Variants in GRIN2A observed in about 807,000 individuals in gnomAD.
GRIN2A encodes the protein glutamate receptor ionotropic, NMDA 2A.
A neutral mutation model predicts 113.4 loss-of-function variants in GRIN2A; 22 were observed. The observed-to-expected ratio is 0.19, with a 90% CI of 0.14 to 0.28. The LOEUF is 0.28. GRIN2A is among the 10% of genes least tolerant of loss of function. The pLI is 1.00. For missense variants in GRIN2A, 1,502 were observed against 1,887.0 expected, an observed-to-expected ratio of 0.80 and a Z score of 3.78; for synonymous variants, 827 against 738.4, an observed-to-expected ratio of 1.12 and a Z score of -1.94.
At chr16:9,981,056 G>C (rs543279984) in intron 2 of GRIN2A, among the ~76,000 whole-genome samples, 3 of 151,030 alleles carry the variant, frequency 2.0e-5, no homozygotes, top group East Asian at 3.9e-4. Context: ...GAGAGAGAGA[G>C]AGAATAGTTT....
At chr16:9,940,949 A>G (rs1178769858) in intron 2 of GRIN2A, among the ~76,000 whole-genome samples, 3 of 152,218 alleles carry the variant, frequency 2.0e-5, no homozygotes, top group Admixed American at 6.5e-5. Context: ...ATATTCGCCA[A>G]CCTCACACAC....
intron 4 of GRIN2A, among the ~76,000 whole-genome samples, chr16:9,883,463 A>G (rs1370964942): frequency 6.6e-6 from 1 of 152,244 alleles, no homozygotes; most frequent in Admixed American, 6.5e-5. Flanking sequence ...GCAGGAATGA[A>G]GTGGAAAAGG....
At chr16:10,089,772 T>G (rs988064734) in intron 2 of GRIN2A, among the ~76,000 whole-genome samples, 4 of 152,196 alleles carry the variant, frequency 2.6e-5, no homozygotes, top group African/African-American at 9.7e-5. Context: ...GCAAGCTGTC[T>G]TGATAAGGTT....
intron 2 of GRIN2A, among the ~76,000 whole-genome samples, chr16:10,040,495 C>A (rs2096767548): frequency 1.3e-5 from 2 of 150,844 alleles, no homozygotes; most frequent in East Asian, 3.9e-4. Context: ...CACATTCACA[C>A]CACACATCCA....
chr16:10,012,650 C>CTTGAGATG (rs1394611913), intron 2 of GRIN2A, among the ~76,000 whole-genome samples: 3 of 152,150 alleles, frequency 2.0e-5, no homozygotes, highest in African/African-American at 7.2e-5. Context: ...AGGTAAAGAT[C>CTTGAGATG]TTGAGATGGG....
chr16:10,040,194 C>T (rs570974823), intron 2 of GRIN2A, among the ~76,000 whole-genome samples: 230 of 107,126 alleles, frequency 2.1e-3, no homozygotes, highest in African/African-American at 7.2e-3. Flanking sequence ...ACAAATACAC[C>T]GAACACACAC....
At chr16:9,948,077 G>T (rs1197777001) in intron 2 of GRIN2A, among the ~76,000 whole-genome samples, 1 of 152,140 alleles carries the variant, frequency 6.6e-6, no homozygotes, top group South Asian at 2.1e-4. Context: ...CTCTTATCGC[G>T]TGCCAAGCAC....
rs975791080 is a variant in GRIN2A at position 9,858,534 on chromosome 16, G to T, written c.1123-8573C>A. On this transcript the variant is annotated intron_variant, in intron 4 of 12. Transcript: ENST00000330684. Reference sequence around the variant, plus strand: ...TTCAGAAATATACTGAAGTTGTGACGACAAAAATAATAATAATAATAATTG... The same window carrying T: ...TTCAGAAATATACTGAAGTTGTGACTACAAAAATAATAATAATAATAATTG... Among the ~76,000 whole-genome samples, 3 of 151,866 alleles carry T rather than the reference G, an allele frequency of 2.0e-5. No homozygotes were observed. In the South Asian group the frequency reaches 6.2e-4, roughly 32 times the overall value.
At position 9,757,871 on chromosome 16, in the gene GRIN2A, CA is replaced by C. The variant is rs1900419654; in HGVS notation, c.*5277del. The C allele has an allele frequency of 8.9e-6, 2 of 225,874 alleles. No individual in the cohort carries two copies. Among genetic ancestry groups the C allele is most frequent in the African/African-American group, 2.2e-5 (1 of 44,924 alleles). The allele number at this position is 225,874 out of a possible 1,614,324, so 14.0% of individuals were successfully genotyped here. A position where few individuals can be genotyped will look rare whatever the true frequency, so the allele number is the denominator to read the frequency against. On this transcript the variant is annotated 3_prime_UTR_variant, in exon 13 of 13. Transcript: ENST00000330684. ...GGGTAGGTCTTTCTGGGGCAAGTGG[CA>C]AAAACAAAAAACAAAACAAAACAAA...
chr16:9,802,648 G>T (rs1903434209), intron 10 of GRIN2A, among the ~76,000 whole-genome samples: 1 of 152,106 alleles, frequency 6.6e-6, no homozygotes, highest in African/African-American at 2.4e-5. Flanking sequence ...GGTTCAGAAA[G>T]CCTAAGGCAG....
intron 3 of GRIN2A, among the ~76,000 whole-genome samples, chr16:9,893,613 C>T (rs2043743830): frequency 6.6e-6 from 1 of 152,082 alleles, no homozygotes; most frequent in Non-Finnish European, 1.5e-5. Flanking sequence ...GTTACAGGTG[C>T]CCACCACTAT....
intron 10 of GRIN2A, among the ~76,000 whole-genome samples, chr16:9,811,373 C>T (rs1249221455): frequency 2.0e-5 from 3 of 152,176 alleles, no homozygotes; most frequent in South Asian, 2.1e-4. Flanking sequence ...GTGTCCTCCT[C>T]TATAAAATGG....
At chr16:9,859,558 T>C (rs1056575789) in intron 4 of GRIN2A, among the ~76,000 whole-genome samples, 1 of 149,200 alleles carries the variant, frequency 6.7e-6, no homozygotes, top group Non-Finnish European at 1.5e-5. Flanking sequence ...CACCCACACG[T>C]ACAACTACAA....
At chr16:9,781,383 C>G (rs1901926251) in intron 11 of GRIN2A, among the ~76,000 whole-genome samples, 1 of 152,062 alleles carries the variant, frequency 6.6e-6, no homozygotes. Flanking sequence ...TTCTTTGAGA[C>G]AGGGTCTTGT....
chr16:10,159,065 C>G (rs2049760711), intron 2 of GRIN2A, among the ~76,000 whole-genome samples: 3 of 152,156 alleles, frequency 2.0e-5, no homozygotes, highest in Admixed American at 2.0e-4. Flanking sequence ...GGGCCCAGCT[C>G]TGTTACCTGC....
At chr16:10,104,736 T>TA (rs2142121062) in intron 2 of GRIN2A, among the ~76,000 whole-genome samples, 1 of 152,144 alleles carries the variant, frequency 6.6e-6, no homozygotes, top group Non-Finnish European at 1.5e-5. Context: ...TATCCAGCCT[T>TA]AAAAAATCAG....
At chr16:10,126,580 C>G (rs1393279280) in intron 2 of GRIN2A, among the ~76,000 whole-genome samples, 3 of 152,282 alleles carry the variant, frequency 2.0e-5, no homozygotes, top group South Asian at 4.1e-4. Context: ...ATTTCTCTTC[C>G]ATTTTTCTTT....
intron 3 of GRIN2A, among the ~76,000 whole-genome samples, chr16:9,892,402 T>A (rs1390454717): frequency 1.3e-5 from 2 of 151,986 alleles, no homozygotes; most frequent in Admixed American, 6.6e-5. Context: ...TCAAAGATAA[T>A]GGTGGCTTTG....
At chr16:9,973,788 G>A (rs1266873164) in intron 2 of GRIN2A, among the ~76,000 whole-genome samples, 5 of 151,262 alleles carry the variant, frequency 3.3e-5, no homozygotes, top group African/African-American at 9.7e-5. Flanking sequence ...GTGCTGGGGG[G>A]AAAAAAAACA....
Sources: gnomAD v4.1 joint callset for allele counts (sites outside exome capture counted in the v4.1 genomes callset) on GRCh38, gnomAD v4.1.1 for gene constraint, MANE v1.5 for transcripts, NCBI Gene and HGNC (gene_info 2026-07-23, HGNC 2026-07-21) for gene names.